Variants in SOX5 observed in about 807,000 individuals in gnomAD.
SOX5 encodes SRY-box transcription factor 5, also known as transcription factor SOX-5.
Under a neutral mutation model 92.0 loss-of-function variants are expected in SOX5, and 9 were observed. The observed-to-expected ratio is 0.10, with a 90% CI of 0.06 to 0.17. The LOEUF (loss-of-function observed/expected upper bound fraction) is 0.17, where lower values mean the gene tolerates loss of function less well. SOX5 is among the 10% of genes least tolerant of loss of function. The probability of loss-of-function intolerance (pLI) is 1.00; values close to 1 mark genes in which losing one functional copy is unlikely to be tolerated. For missense variants in SOX5, 642 were observed against 944.5 expected, an observed-to-expected ratio of 0.68 and a Z score of 4.20; for synonymous variants, 344 against 336.3, an observed-to-expected ratio of 1.02 and a Z score of -0.25.
chr12:23,962,386 C>T (rs754716043), intron 4 of SOX5, among the ~76,000 whole-genome samples: 19 of 152,060 alleles, frequency 1.2e-4, no homozygotes, highest in Non-Finnish European at 2.5e-4. Context: ...AACACACAGA[C>T]GCAGGTACGC....
chr12:24,456,072 T>C (rs144535778), intron 1 of SOX5, among the ~76,000 whole-genome samples: 2 of 152,122 alleles, frequency 1.3e-5, no homozygotes, highest in Admixed American at 6.5e-5. Flanking sequence ...CTGAGAGCAC[T>C]TGCAATCTCT....
At chr12:24,241,868 TGTAATTAAAGC>T (rs1455635726) in intron 3 of SOX5, among the ~76,000 whole-genome samples, 3 of 152,210 alleles carry the variant, frequency 2.0e-5, no homozygotes, top group African/African-American at 7.2e-5. Context: ...AATTTGTGAC[TGTAATTAAAGC>T]TACTGGGAAA....
intron 3 of SOX5, among the ~76,000 whole-genome samples, chr12:23,791,235 G>A (rs904014039): frequency 6.6e-6 from 1 of 152,056 alleles, no homozygotes; most frequent in South Asian, 2.1e-4. Flanking sequence ...TTACATATTC[G>A]GCTTCTATTG....
chr12:24,429,625 T>TACAC (rs148679940), intron 1 of SOX5, among the ~76,000 whole-genome samples: 2,848 of 140,744 alleles, frequency 0.02, 39 homozygotes, highest in African/African-American at 0.043. Context: ...CACACACACA[T>TACAC]ACACACACAC....
intron 1 of SOX5, among the ~76,000 whole-genome samples, chr12:23,915,933 T>C (rs1247209706): frequency 2.6e-5 from 4 of 152,174 alleles, no homozygotes; most frequent in African/African-American, 4.8e-5. Flanking sequence ...ATTGTATCAC[T>C]GAACTTGCTG....
chr12:24,173,310 G>A (rs1400070825), intron 4 of SOX5, among the ~76,000 whole-genome samples: 4 of 152,228 alleles, frequency 2.6e-5, no homozygotes, highest in Non-Finnish European at 5.9e-5. Context: ...CCTGGTTCCC[G>A]TTGAAGTTTG....
chr12:24,558,751 G>A (rs956295411), intron 1 of SOX5, among the ~76,000 whole-genome samples: 1 of 152,138 alleles, frequency 6.6e-6, no homozygotes, highest in South Asian at 2.1e-4. Flanking sequence ...GATTATTTAC[G>A]TTACATCACA....
Position 24,437,630 on chromosome 12 carries a change from T to C in SOX5, c.-250-68991A>G, listed in dbSNP as rs562809923. Among the ~76,000 whole-genome samples, 9 of 152,232 alleles carry C rather than the reference T, an allele frequency of 5.9e-5. No homozygotes were observed. The East Asian group carries it at 1.7e-3, about 29-fold the overall frequency. On this transcript the variant is annotated intron_variant, in intron 1 of 4. Coordinates refer to the SOX5 transcript ENST00000446891. ...CCCATCAAAAAGTGGGTGAAGGATA[T>C]GAACAGACACTTCTCAAAAGAAGAC...
chr12:24,101,476 T>A (rs944953259), intron 4 of SOX5, among the ~76,000 whole-genome samples: 47 of 152,152 alleles, frequency 3.1e-4, no homozygotes, highest in African/African-American at 1.1e-3. Context: ...TTAACTTAAT[T>A]ATTGTCTACT....
At chr12:24,347,917 G>T (rs1443648717) in intron 2 of SOX5, among the ~76,000 whole-genome samples, 1 of 152,120 alleles carries the variant, frequency 6.6e-6, no homozygotes, top group Admixed American at 6.6e-5. Context: ...TTCCAGAGAT[G>T]CTTTGAAGTA....
rs566604636 is a variant in SOX5, at chr12:24,442,011, G to C, written c.-250-73372C>G. 2.6e-5 allele frequency among the ~76,000 whole-genome samples: 4 copies of C among 152,240 alleles called. No individual in the cohort carries two copies. In the East Asian group the frequency reaches 7.7e-4, roughly 29 times the overall value. ...AAAACAGTGGAGTAACAGTAAACAC[G>C]TAAGTCTAAACAAGGTGTGAAAAAT... On this transcript the variant is annotated intron_variant, in intron 1 of 4. Coordinates refer to the SOX5 transcript ENST00000446891.
chr12:23,968,717 A>G (rs1354730029), intron 4 of SOX5, among the ~76,000 whole-genome samples: 1 of 152,196 alleles, frequency 6.6e-6, no homozygotes, highest in Non-Finnish European at 1.5e-5. Context: ...ACAGACCAAG[A>G]TACTCTCCTT....
At chr12:24,187,820 A>G (rs1956164417) in intron 4 of SOX5, among the ~76,000 whole-genome samples, 1 of 152,144 alleles carries the variant, frequency 6.6e-6, no homozygotes, top group African/African-American at 2.4e-5. Context: ...ATTCAATCTC[A>G]TAGAATATGG....
chr12:23,807,558 C>T (rs1193535881), intron 3 of SOX5, among the ~76,000 whole-genome samples: 2 of 151,922 alleles, frequency 1.3e-5, no homozygotes, highest in African/African-American at 4.8e-5. Flanking sequence ...AGGATGCTAC[C>T]AAAGGTTTCA....
intron 2 of SOX5, among the ~76,000 whole-genome samples, chr12:23,877,234 T>G (rs2096937614): frequency 6.6e-6 from 1 of 152,198 alleles, no homozygotes; most frequent in Admixed American, 6.5e-5. Flanking sequence ...CTTTTCCTTT[T>G]TTTTGGAGGA....
intron 2 of SOX5, among the ~76,000 whole-genome samples, chr12:23,875,236 C>T (rs2096915222): frequency 6.6e-6 from 1 of 152,054 alleles, no homozygotes; most frequent in African/African-American, 2.4e-5. Flanking sequence ...GATTCAAAAA[C>T]AGTAACACAT....
chr12:24,341,580 T>C (rs1371716124), intron 2 of SOX5, among the ~76,000 whole-genome samples: 1 of 152,262 alleles, frequency 6.6e-6, no homozygotes, highest in African/African-American at 2.4e-5. Flanking sequence ...TAATGGTTGC[T>C]TTCAGACGAT....
chr12:24,501,114 G>A (rs1396156113), intron 1 of SOX5, among the ~76,000 whole-genome samples: 1 of 152,102 alleles, frequency 6.6e-6, no homozygotes, highest in Non-Finnish European at 1.5e-5. Flanking sequence ...AAACAAGCAA[G>A]GCAGAGACTG....
At chr12:23,807,501 A>G (rs534315953) in intron 3 of SOX5, among the ~76,000 whole-genome samples, 43 of 152,334 alleles carry the variant, frequency 2.8e-4, no homozygotes, top group African/African-American at 1.0e-3. Flanking sequence ...CAAGCCAAGA[A>G]GTATCAAGGC....
Sources: allele counts gnomAD v4.1 joint callset (sites outside exome capture counted in the v4.1 genomes callset), GRCh38; gene constraint gnomAD v4.1.1; transcripts MANE v1.5; gene names NCBI Gene and HGNC (gene_info 2026-07-23, HGNC 2026-07-21).